PNLIPRP1: variants seen among roughly 807,000 people sequenced by gnomAD.
PNLIPRP1 encodes the protein inactive pancreatic lipase-related protein 1.
PNLIPRP1 carries 57 observed loss-of-function variants against 54.6 expected under a neutral mutation model. The observed-to-expected ratio is 1.04, with a 90% confidence interval of 0.84 to 1.30. The LOEUF (loss-of-function observed/expected upper bound fraction) is 1.30, where lower values mean the gene tolerates loss of function less well. Among genes scored for constraint, PNLIPRP1 ranks in the 50% most tolerant of loss-of-function variants. PNLIPRP1 has a pLI of 0.00. For missense variants in PNLIPRP1, 567 were observed against 568.5 expected (o/e 1.00, Z 0.03); for synonymous variants, 232 against 208.8 (o/e 1.11, Z -0.96).
intron 12 of PNLIPRP1, among the ~76,000 whole-genome samples, chr10:116,606,312 G>C (rs1190955382): frequency 6.6e-6 from 1 of 152,098 alleles, no homozygotes; most frequent in Non-Finnish European, 1.5e-5. Context: ...CCACATCTGG[G>C]TCTCCTCGAA....
Position 116,591,880 on chromosome 10 carries a change from C to A in PNLIPRP1, c.159C>A (p.Gly53=). 3 of 1,614,220 alleles carry A rather than the reference C, an allele frequency of 1.9e-6. No individual in the cohort carries two copies. The highest frequency in any genetic ancestry group is 2.5e-6 in the Non-Finnish European group (3 of 1,180,050). ...KILPWSPEKI[G]TRFLLYTNEN... The stretch of plus-strand genomic sequence containing the variant: ...TCCCCTGGAGCCCTGAGAAGATCGG[C>A]ACCCGCTTCCTGCTGTACACCAATG... Residue 53 remains glycine (G), a synonymous_variant, in exon 3 of 13, where the codon GGC becomes GGA. Coordinates refer to ENST00000358834, the MANE Select transcript of PNLIPRP1 (RefSeq NM_006229.4).
At chr10:116,591,280 G>C in intron 2 of PNLIPRP1, 102 bp downstream of exon 2, 2 of 855,298 alleles carry the variant, frequency 2.3e-6, no homozygotes, top group Non-Finnish European at 1.9e-6. Flanking sequence ...GCAGCTCCAG[G>C]GTACCAGAGA....
At chr10:116,593,328 C>T (rs1847674885) in intron 4 of PNLIPRP1, 1 of 152,332 alleles carries the variant, frequency 6.6e-6, no homozygotes, top group Admixed American at 6.5e-5. Context: ...TGTGCATACA[C>T]ACACAAACAC....
At chr10:116,601,006 C>T (rs888899824) in intron 9 of PNLIPRP1, 66 bp from the exon 10 acceptor site, 35 of 1,450,788 alleles carry the variant, frequency 2.4e-5, no homozygotes, top group Non-Finnish European at 3.1e-5. Flanking sequence ...AGTGTCTGCC[C>T]TCTCAGATGT....
intron 11 of PNLIPRP1, among the ~76,000 whole-genome samples, chr10:116,604,627 T>C (rs1847904912): frequency 6.6e-6 from 1 of 152,056 alleles, no homozygotes; most frequent in African/African-American, 2.4e-5. Flanking sequence ...TGCAGACTTC[T>C]GCTAATAATT....
At chr10:116,591,959 T>C (rs1554863260) in intron 3 of PNLIPRP1, 34 bp downstream of exon 3, 11 of 1,611,856 alleles carry the variant, frequency 6.8e-6, no homozygotes, top group Non-Finnish European at 9.3e-6. Context: ...TCACTGTAAC[T>C]GGCACGGGGC....
intron 4 of PNLIPRP1, chr10:116,594,310 T>C: frequency 1.9e-6 from 1 of 513,626 alleles, no homozygotes; most frequent in South Asian, 1.4e-5. Context: ...CTCTCTCACT[T>C]TCCAGCAGCC....
At position 116,605,545 on chromosome 10, in the gene PNLIPRP1, G is replaced by A. The variant is rs782155121; in HGVS notation, c.1332G>A (p.Glu444=). 3.1e-6 allele frequency: 5 copies of A among 1,595,412 alleles called. No individual in the cohort carries two copies. Among genetic ancestry groups the A allele is most frequent in the African/African-American group, 1.3e-5 (1 of 74,714 alleles). The change falls in exon 12 of 13, where the codon GAG becomes GAA. Residue 444 remains glutamate, a synonymous_variant. Transcript: ENST00000358834. ...AGATCACTGTGCAAAAGGGAGAAGA[G>A]AAGACAGTGTATGTATCTTTGCTGG... ...ATKITVQKGE[E]KTVYNFCSED...
chr10:116,601,810 A>C (rs1847845691), intron 10 of PNLIPRP1, among the ~76,000 whole-genome samples: 1 of 152,222 alleles, frequency 6.6e-6, no homozygotes, highest in Admixed American at 6.5e-5. Context: ...GAGGTGACCC[A>C]GTAAAGACAG....
rs781919453 is a variant in PNLIPRP1, at chr10:116,600,104, G to A, written c.872G>A (p.Ser291Asn). The A allele has an allele frequency of 6.2e-7, 1 of 1,613,948 alleles. No individual in the cohort carries two copies. Among genetic ancestry groups the A allele is most frequent in the Non-Finnish European group, 8.5e-7 (1 of 1,179,980 alleles). The change falls in exon 9 of 13, where the codon AGC becomes AAC. Residue 291 changes from serine to asparagine, a missense_variant. Physicochemically the swap from Ser to Asn is conservative, Grantham distance 46. Transcript: ENST00000358834. ...HLRSYKYYLE[S>N]ILNPDGFAAY... Reference sequence around the variant, plus strand: ...AGAAGCTACAAGTATTACTTGGAAAGCATCCTCAATCCCGATGGGTTTGCT... The same window carrying A: ...AGAAGCTACAAGTATTACTTGGAAAACATCCTCAATCCCGATGGGTTTGCT...
chr10:116,601,434 AT>A (rs1340049900), intron 10 of PNLIPRP1, among the ~76,000 whole-genome samples: 1 of 152,240 alleles, frequency 6.6e-6, no homozygotes, highest in Non-Finnish European at 1.5e-5. Context: ...AGTATAATTA[AT>A]GGGATGAGGC....
At chr10:116,604,282 T>G in intron 11 of PNLIPRP1, 144 bp downstream of exon 11, 1 of 547,446 alleles carries the variant, frequency 1.8e-6, no homozygotes, top group Non-Finnish European at 3.3e-6. Context: ...TTTTAGTTGA[T>G]GGACCACATA....
intron 12 of PNLIPRP1, among the ~76,000 whole-genome samples, chr10:116,608,067 G>C (rs1847966455): frequency 6.6e-6 from 1 of 152,216 alleles, no homozygotes; most frequent in African/African-American, 2.4e-5. Context: ...TGTTGGCCAG[G>C]CTGGTCTCAA....
In PNLIPRP1 at chr10:116,594,879, T is replaced by C. The variant is rs1380241574; in HGVS notation, c.465+15T>C. ...ACATCCTCTTGGTGAGTCAGCTGGC[T>C]GGCCTATGTGAGGAGGGAAGCAGTG... On this transcript the variant is annotated intron_variant, in intron 5 of 12. Transcript: ENST00000358834. The C allele has an allele frequency of 6.2e-7, 1 of 1,613,362 alleles. No individual in the cohort carries two copies. The highest frequency in any genetic ancestry group is 1.3e-5 in the African/African-American group (1 of 74,936).
At chr10:116,606,793 C>G (rs1847942915) in intron 12 of PNLIPRP1, among the ~76,000 whole-genome samples, 1 of 152,168 alleles carries the variant, frequency 6.6e-6, no homozygotes, top group Non-Finnish European at 1.5e-5. Context: ...ACCTGAGGTC[C>G]TGTGCCCATC....
intron 4 of PNLIPRP1, chr10:116,592,776 A>G (rs782335520): frequency 3.1e-5 from 18 of 582,344 alleles, no homozygotes; most frequent in Middle Eastern, 2.7e-4. Flanking sequence ...TGGTTAAACC[A>G]AGGCCTGATG....
intron 5 of PNLIPRP1, chr10:116,595,179 C>T (rs746869244): frequency 3.2e-6 from 1 of 310,320 alleles, no homozygotes; most frequent in Non-Finnish European, 6.2e-6. Context: ...TTGATCCAGA[C>T]CATCTAGCTT....
At position 116,598,120 on chromosome 10, in the gene PNLIPRP1, G is replaced by T. The variant is rs782386442; in HGVS notation, c.768G>T (p.Lys256Asn). 3.1e-6 allele frequency: 5 copies of T among 1,614,062 alleles called. No homozygotes were observed. The African/African-American group carries it at 6.7e-5, about 22-fold the overall frequency. The change falls in exon 8 of 13, where the codon AAG becomes AAT. Residue 256 changes from lysine to asparagine, a missense_variant. By Grantham distance (94) the Lys-to-Asn change is moderately conservative. Transcript: ENST00000358834. ...GAGGAGAGAGCATGCCGGGATGCAA[G>T]AAGAATGCCCTGTCTCAGATCGTGG... ...PNGGESMPGC[K>N]KNALSQIVDL...
At chr10:116,601,245 A>G in intron 10 of PNLIPRP1, 44 bp downstream of exon 10, 1 of 1,563,448 alleles carries the variant, frequency 6.4e-7, no homozygotes, top group Non-Finnish European at 8.7e-7. Context: ...GAAAGTATAT[A>G]GTTTCTGTTA....
Sources: allele counts gnomAD v4.1 joint callset (sites outside exome capture counted in the v4.1 genomes callset), GRCh38; gene constraint gnomAD v4.1.1; transcripts MANE v1.5; gene names NCBI Gene and HGNC (gene_info 2026-07-23, HGNC 2026-07-21).